Variants in BAZ2B observed in about 807,000 individuals in gnomAD.
BAZ2B encodes bromodomain adjacent to zinc finger domain protein 2B.
A neutral mutation model predicts 246.0 loss-of-function variants in BAZ2B; 91 were observed. That is an observed-to-expected ratio of 0.37 (90% CI 0.31 to 0.44). BAZ2B has a LOEUF of 0.44. BAZ2B is among the 20% of genes least tolerant of loss of function. The probability of loss-of-function intolerance (pLI) is 1.00; values close to 1 mark genes in which losing one functional copy is unlikely to be tolerated. For missense variants in BAZ2B, 2,332 were observed against 2,533.7 expected (o/e 0.92, Z 1.71); for synonymous variants, 855 against 860.0 (o/e 0.99, Z 0.10).
At chr2:159,676,874 T>C in the BAZ2B span, among the ~76,000 whole-genome samples, 1 of 151,218 alleles carries the variant, frequency 6.6e-6, no homozygotes, top group Admixed American at 6.6e-5. Flanking sequence ...CACTGAGTTG[T>C]AGGCTTTAAA....
At chr2:159,457,526 G>T (rs368402389) in intron 3 of BAZ2B, among the ~76,000 whole-genome samples, 2 of 152,266 alleles carry the variant, frequency 1.3e-5, no homozygotes, top group South Asian at 4.1e-4. Flanking sequence ...TGCAGTTATG[G>T]TTCCTAGATT....
rs114002382 is a variant in BAZ2B at position 159,533,539 on chromosome 2, C to T, written c.-3+22284G>A. Among the ~76,000 whole-genome samples, 1,287 of 152,248 alleles carry T rather than the reference C, an allele frequency of 8.5e-3. 8 individuals carry two copies. The highest frequency in any genetic ancestry group is 0.014 in the Admixed American group (216 of 15,300). ...CCCCACAAACTTCAAGTTGTAGAAG[C>T]AGGCAATCTTTCAAAATCCCTTCTT... On this transcript the variant is annotated intron_variant, in intron 2 of 36. Coordinates refer to ENST00000392783, the MANE Select transcript of BAZ2B (RefSeq NM_013450.4).
intron 18 of BAZ2B, 79 bp downstream of exon 18, chr2:159,398,750 T>A: frequency 7.6e-7 from 1 of 1,322,250 alleles, no homozygotes; most frequent in Non-Finnish European, 1.0e-6. Flanking sequence ...GAAAGCTATT[T>A]TTTCATATAA....
chr2:159,330,449 G>A (rs1280795717), intron 34 of BAZ2B, among the ~76,000 whole-genome samples: 1 of 152,184 alleles, frequency 6.6e-6, no homozygotes, highest in East Asian at 1.9e-4. Context: ...TCTATCAAAT[G>A]TAATAGGTCA....
At chr2:159,362,412 A>G (rs1211558233) in intron 27 of BAZ2B, among the ~76,000 whole-genome samples, 1 of 152,230 alleles carries the variant, frequency 6.6e-6, no homozygotes, top group Non-Finnish European at 1.5e-5. Flanking sequence ...ACACTAATGC[A>G]TACAGGGCAA....
At chr2:159,427,221 G>C (rs1423115680) in intron 13 of BAZ2B, among the ~76,000 whole-genome samples, 1 of 152,030 alleles carries the variant, frequency 6.6e-6, no homozygotes, top group African/African-American at 2.4e-5. Context: ...TGCAGCTAAA[G>C]GGAATAATAA....
the BAZ2B span, among the ~76,000 whole-genome samples, chr2:159,666,416 TGCCTA>T: frequency 6.6e-6 from 1 of 152,138 alleles, no homozygotes; most frequent in South Asian, 2.1e-4. Context: ...CACACCACCA[TGCCTA>T]GCTAAATTTT....
Position 159,432,783 on chromosome 2 carries a change from T to C in BAZ2B, c.1874A>G (p.Asp625Gly), listed in dbSNP as rs1459675290. 3.1e-6 allele frequency: 5 copies of C among 1,612,786 alleles called. No individual in the cohort carries two copies. The highest frequency in any genetic ancestry group is 4.2e-6 in the Non-Finnish European group (5 of 1,179,052). Residue 625 changes from aspartate (D) to glycine (G), a missense_variant, in exon 9 of 37, where the codon GAT (aspartate) becomes GGT (glycine). Transcript: ENST00000392783. ...TGATTGGCTGTCATCAGATTCATCA[T>C]CTTCATCATCTTCCTCATCTTCTTC... ...DEEEDEEDDEDDESDDSQSES... is the reference protein window; with the variant it reads ...DEEEDEEDDEGDESDDSQSES...
chr2:159,556,064 A>G (rs1219585442), intron 1 of BAZ2B, among the ~76,000 whole-genome samples, 199 bp from the exon 2 acceptor site: 1 of 152,212 alleles, frequency 6.6e-6, no homozygotes, highest in Non-Finnish European at 1.5e-5. Context: ...ATCATTATTT[A>G]TTATAGTATG....
In BAZ2B at chr2:159,349,974, A is replaced by T. The variant is rs2058380716; in HGVS notation, c.4597T>A (p.Ser1533Thr). The T allele has an allele frequency of 1.2e-6, 2 of 1,614,086 alleles. No individual in the cohort carries two copies. The highest frequency in any genetic ancestry group is 1.3e-5 in the African/African-American group (1 of 74,936). The change falls in exon 28 of 37, where the codon TCA (serine) becomes ACA (threonine). Residue 1533 changes from serine to threonine, a missense_variant. Ser to Thr is a moderately conservative substitution (Grantham distance 58). This residue lies in a region of BAZ2B where 676 missense variants were observed against 668.6 expected (regional missense o/e 1.01). Transcript: ENST00000392783. ...CTGTAGAACTTCCCTGGACCACTTG[A>T]ACCAGTATTAAACAGATTATTAGAG... ...ADSNNLFNTGSSGPGKFYSPL... is the reference protein window; with the variant it reads ...ADSNNLFNTGTSGPGKFYSPL...
intron 27 of BAZ2B, among the ~76,000 whole-genome samples, chr2:159,356,966 G>A (rs1332392166): frequency 1.3e-5 from 2 of 152,114 alleles, no homozygotes; most frequent in African/African-American, 2.4e-5. Context: ...AACTCCATCC[G>A]AAGCTGACCA....
chr2:159,514,201 C>G (rs1450256097), intron 2 of BAZ2B, among the ~76,000 whole-genome samples: 1 of 152,094 alleles, frequency 6.6e-6, no homozygotes, highest in Admixed American at 6.6e-5. Flanking sequence ...CTACATGTGC[C>G]ACAAAAGCAG....
chr2:159,467,675 C>T (rs371135597), intron 3 of BAZ2B, among the ~76,000 whole-genome samples: 1 of 139,700 alleles, frequency 7.2e-6, no homozygotes, highest in Admixed American at 7.1e-5. Flanking sequence ...ATTTTGGGGT[C>T]GGAGACAACT....
intron 13 of BAZ2B, among the ~76,000 whole-genome samples, chr2:159,416,211 T>C (rs2067684899): frequency 6.6e-6 from 1 of 152,230 alleles, no homozygotes; most frequent in African/African-American, 2.4e-5. Context: ...TACTAACTCC[T>C]TTCAGTAATT....
In BAZ2B at chr2:159,453,800, T is replaced by C. The variant is rs1379890315; in HGVS notation, c.147A>G (p.Gly49=). 20 of 1,578,102 alleles carry C rather than the reference T, an allele frequency of 1.3e-5. No homozygotes were observed. The highest frequency in any genetic ancestry group is 1.6e-5 in the Non-Finnish European group (19 of 1,160,464). ...GATCCCCAGCTGTTCTGAATAAATG[T>C]CCTGGGAGGGAAAAAAACACACTTA... ...ASLSSTINPC[G]HLFRTAGDQP... is the part of the protein sequence containing the mutation. Residue 49 remains glycine, a splice_region_variant and synonymous_variant, in exon 4 of 37, where the codon GGA becomes GGG. Transcript: ENST00000392783.
At chr2:159,585,755 T>C (rs1300379290) in intron 1 of BAZ2B, among the ~76,000 whole-genome samples, 1 of 152,244 alleles carries the variant, frequency 6.6e-6, no homozygotes, top group Non-Finnish European at 1.5e-5. Flanking sequence ...AACTGTAATA[T>C]AGTGATGCCT....
chr2:159,579,541 T>C (rs1436046649), intron 1 of BAZ2B, among the ~76,000 whole-genome samples: 3 of 151,912 alleles, frequency 2.0e-5, no homozygotes, highest in South Asian at 2.1e-4. Context: ...TTCCAATCAA[T>C]AGAAAAAGAG....
At chr2:159,556,333 A>G (rs1249729445) in intron 1 of BAZ2B, among the ~76,000 whole-genome samples, 3 of 152,254 alleles carry the variant, frequency 2.0e-5, no homozygotes, top group Non-Finnish European at 4.4e-5. Context: ...CCACATGCTA[A>G]TATTTATGAA....
intron 2 of BAZ2B, among the ~76,000 whole-genome samples, chr2:159,481,536 C>G (rs1263052689): frequency 1.3e-5 from 2 of 151,722 alleles, no homozygotes; most frequent in African/African-American, 4.8e-5. Flanking sequence ...CTCAAAGTAT[C>G]TCCTCCAAAA....
Sources: allele counts gnomAD v4.1 joint callset (sites outside exome capture counted in the v4.1 genomes callset), GRCh38; gene constraint gnomAD v4.1.1; regional missense constraint gnomAD v4.1.1; transcripts MANE v1.5; gene names NCBI Gene and HGNC (gene_info 2026-07-23, HGNC 2026-07-21).